MAF: variants seen among roughly 807,000 people sequenced by gnomAD.
MAF encodes the protein MAF bZIP transcription factor.
A neutral mutation model predicts 22.0 loss-of-function variants in MAF; 10 were observed. That is an observed-to-expected ratio of 0.45 (90% CI 0.28 to 0.77). The LOEUF (loss-of-function observed/expected upper bound fraction) is 0.77, where lower values mean the gene tolerates loss of function less well. MAF is among the 30% of genes least tolerant of loss of function. MAF has a pLI of 0.12. For missense variants in MAF, 544 were observed against 548.4 expected (o/e 0.99, Z 0.08); for synonymous variants, 337 against 255.8 (o/e 1.32, Z -3.03).
chr16:79,496,730 T>TG, the MAF span, among the ~76,000 whole-genome samples: 1 of 152,140 alleles, frequency 6.6e-6, no homozygotes, highest in Non-Finnish European at 1.5e-5. Context: ...TAATAAACAA[T>TG]GGGGCTATGA....
chr16:79,273,502 C>A, the MAF span, among the ~76,000 whole-genome samples: 12 of 152,194 alleles, frequency 7.9e-5, no homozygotes, highest in South Asian at 8.3e-4. Flanking sequence ...ATAGGTCTCA[C>A]TGGGCTAAAA....
At chr16:79,211,770 G>A in the MAF span, 1 of 1,614,142 alleles carries the variant, frequency 6.2e-7, no homozygotes, top group African/African-American at 1.3e-5. Context: ...GCTGATCCAA[G>A]AACGGCTTGG....
At chr16:79,246,350 C>G in the MAF span, among the ~76,000 whole-genome samples, 1 of 152,118 alleles carries the variant, frequency 6.6e-6, no homozygotes. Flanking sequence ...CTGTTTGACT[C>G]TCTCATTGCT....
At chr16:79,378,283 A>G in the MAF span, among the ~76,000 whole-genome samples, 1 of 152,246 alleles carries the variant, frequency 6.6e-6, no homozygotes, top group East Asian at 1.9e-4. Flanking sequence ...GGAATACTAT[A>G]CAGCAATGCC....
At chr16:79,506,178 C>A in the MAF span, among the ~76,000 whole-genome samples, 2 of 152,138 alleles carry the variant, frequency 1.3e-5, no homozygotes, top group Non-Finnish European at 2.9e-5. Flanking sequence ...AATGTAAAAT[C>A]AACTGAATAT....
the MAF span, among the ~76,000 whole-genome samples, chr16:79,284,749 CTT>C: frequency 6.6e-6 from 1 of 152,318 alleles, no homozygotes; most frequent in South Asian, 2.1e-4. Context: ...GGCATGAACA[CTT>C]TGCTTTGGGG....
At chr16:79,396,407 G>A in the MAF span, among the ~76,000 whole-genome samples, 39 of 152,312 alleles carry the variant, frequency 2.6e-4, no homozygotes, top group Admixed American at 6.5e-5. Flanking sequence ...GTTGTTCAAA[G>A]AAGTGGAAAC....
At chr16:79,539,160 G>C in the MAF span, among the ~76,000 whole-genome samples, 2 of 152,322 alleles carry the variant, frequency 1.3e-5, no homozygotes, top group Middle Eastern at 3.4e-3. Flanking sequence ...ATTTGTGGTA[G>C]TATAAACTAA....
chr16:79,557,728 A>C, the MAF span, among the ~76,000 whole-genome samples: 1 of 152,048 alleles, frequency 6.6e-6, no homozygotes, highest in Non-Finnish European at 1.5e-5. Context: ...GTTCATGTGC[A>C]ATTTTTCATT....
chr16:79,288,562 G>A, the MAF span, among the ~76,000 whole-genome samples: 1 of 152,148 alleles, frequency 6.6e-6, no homozygotes, highest in Non-Finnish European at 1.5e-5. Flanking sequence ...GTGAAATTTT[G>A]AGATACAGTA....
At chr16:79,598,404 C>T (rs1228005708) in intron 1 of MAF, 50 of 1,208,520 alleles carry the variant, frequency 4.1e-5, no homozygotes, top group Non-Finnish European at 4.9e-5. Flanking sequence ...ATGAAGAACT[C>T]TGCTGAGATC....
At chr16:79,352,040 T>C in the MAF span, among the ~76,000 whole-genome samples, 1 of 152,176 alleles carries the variant, frequency 6.6e-6, no homozygotes, top group Non-Finnish European at 1.5e-5. Context: ...CCTCTGGATC[T>C]GGGCTGCCCA....
the MAF span, among the ~76,000 whole-genome samples, chr16:79,228,353 G>A: frequency 6.6e-6 from 1 of 152,014 alleles, no homozygotes; most frequent in Non-Finnish European, 1.5e-5. Context: ...TCTAAATGAG[G>A]GCAAGGTGGG....
At chr16:79,205,975 C>T in the MAF span, 1 of 152,266 alleles carries the variant, frequency 6.6e-6, no homozygotes, top group African/African-American at 2.4e-5. Context: ...TTTCTTAGTT[C>T]TGCAAATCTG....
the MAF span, among the ~76,000 whole-genome samples, chr16:79,502,724 T>TAAAAATATAA: frequency 3.2e-5 from 3 of 94,900 alleles, no homozygotes; most frequent in Non-Finnish European, 3.9e-5. Context: ...TATATATATA[T>TAAAAATATAA]ATATATATAT....
the MAF span, among the ~76,000 whole-genome samples, chr16:79,385,746 C>CA: frequency 1.3e-5 from 2 of 151,998 alleles, no homozygotes; most frequent in East Asian, 3.9e-4. Context: ...ACTAAAAATA[C>CA]AAAATTTAGC....
the MAF span, among the ~76,000 whole-genome samples, chr16:79,482,496 T>G: frequency 2.6e-5 from 4 of 152,180 alleles, no homozygotes; most frequent in African/African-American, 9.7e-5. Context: ...AAACACAGCC[T>G]GCCAGCTTCC....
At chr16:79,416,454 A>T in the MAF span, among the ~76,000 whole-genome samples, 4 of 151,690 alleles carry the variant, frequency 2.6e-5, no homozygotes, top group African/African-American at 9.7e-5. Context: ...GTGATACACT[A>T]CATTTGCAAG....
chr16:79,587,907 G>A lies in MAF; in HGVS notation c.1119-1966C>T, dbSNP rs976484458. ...TAGATACTATTTGCACACCTGAATA[G>A]CGTCCAAAAGCCATTGCAGTTTCTG... On this transcript the variant is annotated intron_variant, in intron 1 of 1. Coordinates refer to the MAF transcript ENST00000569649. Among the ~76,000 whole-genome samples, 3 of 149,720 alleles carry A rather than the reference G, an allele frequency of 2.0e-5. No homozygotes were observed. In the East Asian group the frequency reaches 5.9e-4, roughly 30 times the overall value.
Sources: allele counts gnomAD v4.1 joint callset (sites outside exome capture counted in the v4.1 genomes callset), GRCh38; gene constraint gnomAD v4.1.1; transcripts MANE v1.5; gene names NCBI Gene and HGNC (gene_info 2026-07-23, HGNC 2026-07-21).